The following KCNQ1 variants were observed in gnomAD, a reference collection of about 807,000 sequenced individuals.
KCNQ1 encodes the protein potassium voltage-gated channel subfamily KQT member 1.
Under a neutral mutation model 72.4 loss-of-function variants are expected in KCNQ1, and 49 were observed. The ratio of observed to expected loss-of-function variants is 0.68; its 90% CI spans 0.54 to 0.86. The LOEUF (loss-of-function observed/expected upper bound fraction) is 0.86. Among genes scored for constraint, KCNQ1 ranks in the 40% least tolerant of loss-of-function variants. The pLI, the probability that KCNQ1 is intolerant of heterozygous loss-of-function variation, is 0.00. For missense variants in KCNQ1, 790 were observed against 945.1 expected, an observed-to-expected ratio of 0.84 and a Z score of 2.15; for synonymous variants, 450 against 412.6, an observed-to-expected ratio of 1.09 and a Z score of -1.10.
At chr11:2,500,802 C>T (rs1846997089) in intron 1 of KCNQ1, among the ~76,000 whole-genome samples, 1 of 140,002 alleles carries the variant, frequency 7.1e-6, no homozygotes. Flanking sequence ...CATGTTCTCA[C>T]TCATAAGCGG....
rs920058316 is a variant in KCNQ1, at chr11:2,818,353, T to C, written c.1795-29414T>C. 5.3e-5 allele frequency among the ~76,000 whole-genome samples: 8 copies of C among 152,186 alleles called. No homozygotes were observed. Among genetic ancestry groups the C allele is most frequent in the Non-Finnish European group, 7.4e-5 (5 of 68,024 alleles). On this transcript the variant is annotated intron_variant, in intron 15 of 15. Coordinates refer to ENST00000155840, the MANE Select transcript of KCNQ1 (RefSeq NM_000218.3). The surrounding 1 kb of genome is among the most constrained non-coding windows in gnomAD (Gnocchi z 7.2). ...GCATGTACACAGGCTGCAGCCCGTG[T>C]TCCTGGAGCCACCGTCCCAGGTGTG... is the stretch of plus-strand genomic sequence containing the variant.
At chr11:2,776,493 G>A (rs1157683073) in intron 13 of KCNQ1, among the ~76,000 whole-genome samples, 1 of 152,194 alleles carries the variant, frequency 6.6e-6, no homozygotes, top group East Asian at 1.9e-4. Flanking sequence ...CACCGCACGG[G>A]TCTCCCCCAG....
chr11:2,826,303 C>T lies in KCNQ1; in HGVS notation c.1795-21464C>T, dbSNP rs1031136516. On this transcript the variant is annotated intron_variant, in intron 15 of 15. Transcript: ENST00000155840. This position sits in a 1 kb window ranked among gnomAD's most constrained non-coding sequence, Gnocchi z 4.2. ...GAAGAAATTGAGCCGGGGTTGGGGG[C>T]GGGGAGGGCAGGTTAACCCTTCGGG... 1.3e-5 allele frequency among the ~76,000 whole-genome samples: 2 copies of T among 152,194 alleles called. No individual in the cohort carries two copies. Among genetic ancestry groups the T allele is most frequent in the African/African-American group, 2.4e-5 (1 of 41,458 alleles).
In KCNQ1 at chr11:2,826,487, G is replaced by A. The variant is rs561184457; in HGVS notation, c.1795-21280G>A. ...TCACGGAAACTCAGGCAGACCCGGCGTTGGGTGCGCCAGGCCGGTGTGGGA... is the reference window on the plus strand; with the variant it reads ...TCACGGAAACTCAGGCAGACCCGGCATTGGGTGCGCCAGGCCGGTGTGGGA... On this transcript the variant is annotated intron_variant, in intron 15 of 15. Coordinates refer to ENST00000155840, the MANE Select transcript of KCNQ1 (RefSeq NM_000218.3). The surrounding 1 kb of genome is among the most constrained non-coding windows in gnomAD (Gnocchi z 4.2). Among the ~76,000 whole-genome samples, 59 of 152,356 alleles carry A rather than the reference G, an allele frequency of 3.9e-4. No individual in the cohort carries two copies. The highest frequency in any genetic ancestry group is 3.4e-3 in the Middle Eastern group (1 of 294).
In KCNQ1 at chr11:2,715,108, C is replaced by G. The variant is rs901019530; in HGVS notation, c.1514+53027C>G. On this transcript the variant is annotated intron_variant, in intron 11 of 15. Coordinates refer to ENST00000155840, the MANE Select transcript of KCNQ1 (RefSeq NM_000218.3). This position sits in a 1 kb window ranked among gnomAD's most constrained non-coding sequence, Gnocchi z 4.9. ...CACTGATGATACTTGGCGAGGATGACCGCAAGTGTCTTGACCCAAACATGA... is the reference window on the plus strand; with the variant it reads ...CACTGATGATACTTGGCGAGGATGAGCGCAAGTGTCTTGACCCAAACATGA... Among the ~76,000 whole-genome samples the G allele has an allele frequency of 1.3e-5, 2 of 152,066 alleles. No individual in the cohort carries two copies. Among genetic ancestry groups the G allele is most frequent in the Admixed American group, 1.3e-4 (2 of 15,270 alleles).
chr11:2,634,906 T>C (rs1442497053), intron 10 of KCNQ1: 1 of 152,234 alleles, frequency 6.6e-6, no homozygotes, highest in Non-Finnish European at 1.5e-5. Flanking sequence ...ATTGTGGTTT[T>C]TTGATTTGCC....
chr11:2,838,936 A>C (rs1269796905), intron 15 of KCNQ1, among the ~76,000 whole-genome samples: 1 of 151,616 alleles, frequency 6.6e-6, no homozygotes, highest in African/African-American at 2.4e-5. Flanking sequence ...CTGGGCCCCC[A>C]GCCTGCCCGA....
intron 1 of KCNQ1, among the ~76,000 whole-genome samples, chr11:2,449,411 G>A (rs137923375): frequency 1.6e-3 from 237 of 152,314 alleles, no homozygotes; most frequent in African/African-American, 5.4e-3. Context: ...GGGGCTTTGC[G>A]GGGACACTCC....
intron 15 of KCNQ1, among the ~76,000 whole-genome samples, chr11:2,799,278 A>G (rs1046280093): frequency 4.6e-5 from 7 of 152,230 alleles, no homozygotes; most frequent in African/African-American, 1.2e-4. Context: ...CTGTCCATCC[A>G]TGGTGGGCCA....
intron 10 of KCNQ1, chr11:2,660,364 T>C: frequency 5.0e-6 from 2 of 398,562 alleles, no homozygotes; most frequent in Non-Finnish European, 4.4e-6. Context: ...GAGAATTGTA[T>C]TACGCTGATG....
Position 2,677,851 on chromosome 11 carries a change from T to A in KCNQ1, c.1514+15770T>A. On this transcript the variant is annotated intron_variant, in intron 11 of 15. Transcript: ENST00000155840. This position sits in a 1 kb window ranked among gnomAD's most constrained non-coding sequence, Gnocchi z 4.5. ...ACTGCCAAATAAGGGCTGTACCATT[T>A]ACATCACTTTGACTGCACAAATGCA... 2.5e-6 allele frequency: 1 copy of A among 398,544 alleles called. No individual in the cohort carries two copies. Among genetic ancestry groups the A allele is most frequent in the Non-Finnish European group, 4.4e-6 (1 of 226,046 alleles). 24.7% of individuals were successfully genotyped at this position (398,544 alleles called of 1,614,324 possible). A position where few individuals can be genotyped will look rare whatever the true frequency, so the allele number is the denominator to read the frequency against.
At chr11:2,629,593 T>C in intron 10 of KCNQ1, 1 of 398,512 alleles carries the variant, frequency 2.5e-6, no homozygotes, top group Non-Finnish European at 4.4e-6. Flanking sequence ...AGAGAATCCA[T>C]TTGCCATTGA....
chr11:2,603,441 T>A lies in KCNQ1; in HGVS notation c.1393+14587T>A, dbSNP rs1010680422. On this transcript the variant is annotated intron_variant, in intron 10 of 15. Coordinates refer to ENST00000155840, the MANE Select transcript of KCNQ1 (RefSeq NM_000218.3). The surrounding 1 kb of genome is among the most constrained non-coding windows in gnomAD (Gnocchi z 4.1). ...CAAAAAAGTGAAGTGTGCCTGTGTA[T>A]CCCCAGAGCTGTGCAACTGCCACTC... is the stretch of plus-strand genomic sequence containing the variant. Among the ~76,000 whole-genome samples, 1 of 152,152 alleles carries A rather than the reference T, an allele frequency of 6.6e-6. No individual in the cohort carries two copies. Among genetic ancestry groups the A allele is most frequent in the Non-Finnish European group, 1.5e-5 (1 of 68,024 alleles).
At chr11:2,465,975 G>C (rs548998543) in intron 1 of KCNQ1, among the ~76,000 whole-genome samples, 2 of 152,342 alleles carry the variant, frequency 1.3e-5, no homozygotes, top group East Asian at 3.9e-4. Flanking sequence ...TGGGGAGCTT[G>C]GTGACGGCTC....
At chr11:2,489,034 G>A (rs550452935) in intron 1 of KCNQ1, among the ~76,000 whole-genome samples, 1 of 152,084 alleles carries the variant, frequency 6.6e-6, no homozygotes, top group African/African-American at 2.4e-5. Flanking sequence ...CTCCCCAACA[G>A]GAACACCAAA....
chr11:2,503,030 C>A (rs975324360), intron 1 of KCNQ1, among the ~76,000 whole-genome samples: 1 of 151,720 alleles, frequency 6.6e-6, no homozygotes, highest in Non-Finnish European at 1.5e-5. Context: ...ATAAAAAAAA[C>A]AAATCAAAGT....
At position 2,683,494 on chromosome 11, in the gene KCNQ1, C is replaced by A; in HGVS notation, c.1514+21413C>A. On this transcript the variant is annotated intron_variant, in intron 11 of 15. Transcript: ENST00000155840. The surrounding 1 kb of genome is among the most constrained non-coding windows in gnomAD (Gnocchi z 4.7). ...TGACAGTTTTCCTATTAAAACATAA[C>A]TTGTTAAAGCATAGAGCTTAGTTCA... 2.5e-6 allele frequency: 1 copy of A among 398,560 alleles called. No individual in the cohort carries two copies. Among genetic ancestry groups the A allele is most frequent in the Non-Finnish European group, 4.4e-6 (1 of 226,036 alleles). The allele number at this position is 398,560 out of a possible 1,614,324, so 24.7% of individuals were successfully genotyped here. A position where few individuals can be genotyped will look rare whatever the true frequency, so the allele number is the denominator to read the frequency against.
chr11:2,588,754 G>T lies in KCNQ1; in HGVS notation c.1293G>T (p.Val431=). The T allele has an allele frequency of 1.9e-6, 3 of 1,613,682 alleles. No homozygotes were observed. The highest frequency in any genetic ancestry group is 2.5e-6 in the Non-Finnish European group (3 of 1,179,920). The change falls in exon 10 of 16, where the codon GTG becomes GTT. Residue 431 remains valine, a synonymous_variant. Coordinates refer to ENST00000155840, the MANE Select transcript of KCNQ1 (RefSeq NM_000218.3). The surrounding 1 kb of genome is among the most constrained non-coding windows in gnomAD (Gnocchi z 5.6). ...KKFKLDKDNG[V]TPGEKMLTVP... The stretch of plus-strand genomic sequence containing the variant: ...TCAAGCTGGACAAAGACAATGGGGT[G>T]ACTCCTGGAGAGAAGATGCTCACAG...
chr11:2,577,704 C>T (rs910358050), intron 6 of KCNQ1, among the ~76,000 whole-genome samples: 1 of 152,320 alleles, frequency 6.6e-6, no homozygotes, highest in South Asian at 2.1e-4. Context: ...CCACCCCCAC[C>T]TGGTGGCGTC....
Sources: gnomAD v4.1 joint callset for allele counts (sites outside exome capture counted in the v4.1 genomes callset) on GRCh38, gnomAD v4.1.1 for gene constraint, Gnocchi (gnomAD v3.1) non-coding constraint, MANE v1.5 for transcripts, NCBI Gene and HGNC (gene_info 2026-07-23, HGNC 2026-07-21) for gene names.